TLK2: variants seen among roughly 807,000 people sequenced by gnomAD.
TLK2 encodes tousled like kinase 2, also known as serine/threonine-protein kinase tousled-like 2.
In TLK2, 6 loss-of-function variants were observed where a neutral mutation model predicts 117.3. The observed-to-expected ratio is 0.05, with a 90% CI of 0.03 to 0.10. TLK2 has a LOEUF of 0.10. TLK2 is among the 10% of genes least tolerant of loss of function. The pLI is 1.00. For synonymous variants in TLK2, 257 were observed against 316.7 expected, an observed-to-expected ratio of 0.81 and a Z score of 2.00; for missense variants, 299 against 901.2, an observed-to-expected ratio of 0.33 and a Z score of 8.56.
At chr17:62,502,205 A>AG (rs2074263531) in intron 2 of TLK2, among the ~76,000 whole-genome samples, 2 of 152,114 alleles carry the variant, frequency 1.3e-5, no homozygotes, top group Non-Finnish European at 2.9e-5. Flanking sequence ...GAATAAAACC[A>AG]TAACTAATTG....
At chr17:62,588,539 A>G (rs939015906) in intron 16 of TLK2, among the ~76,000 whole-genome samples, 2 of 152,338 alleles carry the variant, frequency 1.3e-5, no homozygotes, top group African/African-American at 2.4e-5. Flanking sequence ...AGGAGGGATC[A>G]TGGTGCCTGA....
At chr17:62,564,912 C>T in intron 10 of TLK2, 89 bp from the exon 11 acceptor site, 1 of 1,465,014 alleles carries the variant, frequency 6.8e-7, no homozygotes, top group Non-Finnish European at 9.1e-7. Context: ...AATATGTTTC[C>T]TGATAATGTT....
chr17:62,540,073 CTTCT>C (rs2077401925), intron 7 of TLK2, among the ~76,000 whole-genome samples: 1 of 135,394 alleles, frequency 7.4e-6, no homozygotes, highest in South Asian at 3.5e-4. Flanking sequence ...TTTCTCCTTT[CTTCT>C]TTCTTCTTCT....
At chr17:62,474,817 C>T (rs2071006919), upstream of TLK2, among the ~76,000 whole-genome samples, 5 of 151,720 alleles carry the variant, frequency 3.3e-5, no homozygotes, top group South Asian at 1.0e-3. Flanking sequence ...TGAGCCACTA[C>T]ACCTGGCCTC....
chr17:62,487,999 G>C (rs952599784), intron 2 of TLK2, among the ~76,000 whole-genome samples: 6 of 151,968 alleles, frequency 3.9e-5, no homozygotes, highest in Non-Finnish European at 1.5e-5. Context: ...GAGTGCAGTG[G>C]CATGATCTCT....
intron 12 of TLK2, 65 bp downstream of exon 12, chr17:62,573,432 G>T: frequency 1.3e-6 from 2 of 1,575,928 alleles, no homozygotes; most frequent in Admixed American, 3.7e-5. Flanking sequence ...AATGTTGATT[G>T]TCACCGGCAA....
rs916363097 is a variant in TLK2, at chr17:62,546,915, T to A, written c.532-5387T>A. On this transcript the variant is annotated intron_variant, in intron 7 of 21. Coordinates refer to ENST00000346027, the MANE Select transcript of TLK2 (RefSeq NM_006852.6). The stretch of plus-strand genomic sequence containing the variant: ...TTAGGTTACTGGCTGTGTATTCAGC[T>A]GTGTCCATTTTGATATTTAACCCAC... Among the ~76,000 whole-genome samples the A allele has an allele frequency of 3.9e-5, 6 of 152,188 alleles. 1 individual carries two copies. Among genetic ancestry groups the A allele is most frequent in the South Asian group, 4.1e-4 (2 of 4,830 alleles).
intron 6 of TLK2, among the ~76,000 whole-genome samples, chr17:62,525,802 A>G (rs1300946934): frequency 6.6e-6 from 1 of 152,196 alleles, no homozygotes; most frequent in Non-Finnish European, 1.5e-5. Context: ...CATAGATCCA[A>G]TTTGGGCAGG....
intron 17 of TLK2, among the ~76,000 whole-genome samples, chr17:62,599,383 A>G (rs763407858): frequency 1.3e-5 from 2 of 152,224 alleles, no homozygotes; most frequent in Admixed American, 6.5e-5. Context: ...CCATAGCGCT[A>G]GACCTGAGTC....
chr17:62,486,660 C>T (rs1439088812), intron 2 of TLK2, among the ~76,000 whole-genome samples: 1 of 152,204 alleles, frequency 6.6e-6, no homozygotes. Flanking sequence ...CAGAATTTCA[C>T]CCTTGCATGC....
intron 2 of TLK2, among the ~76,000 whole-genome samples, chr17:62,504,026 G>A (rs747562941): frequency 1.8e-4 from 28 of 152,090 alleles, no homozygotes; most frequent in Non-Finnish European, 3.1e-4. Flanking sequence ...GAGCCACCAC[G>A]CTCGGCCAGT....
At chr17:62,550,307 A>G (rs1297618291) in intron 7 of TLK2, 1 of 152,244 alleles carries the variant, frequency 6.6e-6, no homozygotes, top group African/African-American at 2.4e-5. Context: ...TTAAAGGTTT[A>G]TCCCTGACCC....
chr17:62,581,359 G>A (rs1271769852), intron 15 of TLK2, among the ~76,000 whole-genome samples: 1 of 151,734 alleles, frequency 6.6e-6, no homozygotes, highest in Non-Finnish European at 1.5e-5. Flanking sequence ...TTGTGCGACT[G>A]ACATCACTAC....
intron 4 of TLK2, among the ~76,000 whole-genome samples, chr17:62,522,809 C>T (rs537945534): frequency 3.3e-5 from 5 of 152,004 alleles, no homozygotes; most frequent in Admixed American, 1.3e-4. Flanking sequence ...AATAGAAAGC[C>T]CAGTCTTGTT....
At chr17:62,476,501 T>C (rs1417919140), upstream of TLK2, among the ~76,000 whole-genome samples, 4 of 151,996 alleles carry the variant, frequency 2.6e-5, no homozygotes, top group East Asian at 1.9e-4. Context: ...GAGAATCGCA[T>C]GAACCCAGGA....
Position 62,536,239 on chromosome 17 carries a change from G to C in TLK2, c.433G>C (p.Ala145Pro). Residue 145 changes from alanine to proline, a missense_variant, in exon 7 of 22, where the codon GCT (alanine) becomes CCT (proline). Around this residue, in one of 4 missense-constraint regions of TLK2, gnomAD observed 105 missense variants for 218.4 expected, o/e 0.48. Transcript: ENST00000346027. ...AAAGGAGGCAACGGAGGAGCAGTCT[G>C]CTCTGCCAACCCTCATGTCAGTGAT... ...AAKEATEEQS[A>P]LPTLMSVMLA... 1 of 1,613,212 alleles carries C rather than the reference G, an allele frequency of 6.2e-7. No individual in the cohort carries two copies. The highest frequency in any genetic ancestry group is 8.5e-7 in the Non-Finnish European group (1 of 1,179,836).
At chr17:62,605,826 G>A (rs2083249257) in intron 19 of TLK2, among the ~76,000 whole-genome samples, 1 of 151,806 alleles carries the variant, frequency 6.6e-6, no homozygotes, top group South Asian at 2.1e-4. Flanking sequence ...GCAACACAGT[G>A]AGACCCCACT....
At chr17:62,606,658 T>G (rs762377843) in intron 20 of TLK2, among the ~76,000 whole-genome samples, 22 of 152,316 alleles carry the variant, frequency 1.4e-4, no homozygotes, top group Non-Finnish European at 2.8e-4. Flanking sequence ...GAACCTATTA[T>G]TAATGAAAGC....
At chr17:62,605,759 CT>C (rs1026105432) in intron 19 of TLK2, among the ~76,000 whole-genome samples, 1 of 151,492 alleles carries the variant, frequency 6.6e-6, no homozygotes, top group Non-Finnish European at 1.5e-5. Flanking sequence ...AATCCCAGTA[CT>C]TTAGGAGGTC....
Sources: gnomAD v4.1 joint callset for allele counts (sites outside exome capture counted in the v4.1 genomes callset) on GRCh38, gnomAD v4.1.1 for gene constraint, gnomAD v4.1.1 regional missense constraint, MANE v1.5 for transcripts, NCBI Gene and HGNC (gene_info 2026-07-23, HGNC 2026-07-21) for gene names.